The following CNTN5 variants were observed in gnomAD, a reference collection of about 807,000 sequenced individuals.
CNTN5 encodes the protein contactin-5.
Under a neutral mutation model 129.1 loss-of-function variants are expected in CNTN5, and 77 were observed. The observed-to-expected ratio is 0.60, with a 90% CI of 0.50 to 0.72. CNTN5 has a LOEUF of 0.72. CNTN5 is among the 30% of genes least tolerant of loss of function. The pLI is 0.00. For synonymous variants in CNTN5, 509 were observed against 465.6 expected (o/e 1.09, Z -1.20); for missense variants, 1,478 against 1,328.8 (o/e 1.11, Z -1.75).
chr11:99,889,390 GATA>G (rs1205769145), intron 6 of CNTN5, among the ~76,000 whole-genome samples: 1 of 145,184 alleles, frequency 6.9e-6, no homozygotes, highest in Admixed American at 6.9e-5. Context: ...TATGAAATTT[GATA>G]ATTATGAGAA....
intron 1 of CNTN5, among the ~76,000 whole-genome samples, chr11:99,316,929 T>A (rs1865367905): frequency 6.6e-6 from 1 of 152,118 alleles, no homozygotes. Context: ...GACAGTACCT[T>A]CCTGACATTT....
chr11:100,146,156 A>T (rs1438656564), intron 13 of CNTN5, among the ~76,000 whole-genome samples: 1 of 152,158 alleles, frequency 6.6e-6, no homozygotes, highest in Non-Finnish European at 1.5e-5. Context: ...TGAGGGAAAT[A>T]ACAATCAGTA....
At chr11:99,280,735 C>T (rs949483900) in intron 1 of CNTN5, among the ~76,000 whole-genome samples, 2 of 151,646 alleles carry the variant, frequency 1.3e-5, no homozygotes, top group Admixed American at 1.3e-4. Context: ...ATATATGAAC[C>T]AGTAATAAGC....
intron 13 of CNTN5, among the ~76,000 whole-genome samples, chr11:100,098,681 T>C (rs1054218296): frequency 1.3e-5 from 2 of 152,090 alleles, no homozygotes; most frequent in Admixed American, 6.6e-5. Flanking sequence ...TCTAATGTTA[T>C]TGCCCAGTAG....
intron 21 of CNTN5, among the ~76,000 whole-genome samples, chr11:100,331,452 A>T (rs1951904970): frequency 6.6e-6 from 1 of 152,142 alleles, no homozygotes; most frequent in South Asian, 2.1e-4. Context: ...CAAAGAAACA[A>T]TGGACTTAAA....
chr11:99,452,510 C>G (rs1407626591), intron 2 of CNTN5, among the ~76,000 whole-genome samples: 2 of 151,202 alleles, frequency 1.3e-5, no homozygotes. Context: ...GTAGCTGGGA[C>G]TACAGGTGCC....
chr11:99,890,294 G>A (rs1318782327), intron 6 of CNTN5, among the ~76,000 whole-genome samples: 1 of 151,872 alleles, frequency 6.6e-6, no homozygotes, highest in East Asian at 1.9e-4. Context: ...AAGTAATATT[G>A]AATTATAACA....
chr11:99,048,512 G>A (rs900375284), intron 1 of CNTN5, among the ~76,000 whole-genome samples: 1 of 152,028 alleles, frequency 6.6e-6, no homozygotes, highest in African/African-American at 2.4e-5. Flanking sequence ...TCATTTAAAT[G>A]TTTTCACATT....
At chr11:99,834,014 G>A (rs1045399573) in intron 4 of CNTN5, among the ~76,000 whole-genome samples, 1 of 152,172 alleles carries the variant, frequency 6.6e-6, no homozygotes, top group African/African-American at 2.4e-5. Flanking sequence ...AGGCATTTTT[G>A]TGAGTGAAAA....
At chr11:99,439,468 G>A (rs1236820520) in intron 2 of CNTN5, among the ~76,000 whole-genome samples, 1 of 151,992 alleles carries the variant, frequency 6.6e-6, no homozygotes, top group Non-Finnish European at 1.5e-5. Context: ...AACACTTTGG[G>A]AGGCTGAGGT....
chr11:99,532,052 C>T (rs528478168), intron 2 of CNTN5, among the ~76,000 whole-genome samples: 51 of 152,108 alleles, frequency 3.4e-4, no homozygotes, highest in African/African-American at 1.1e-3. Context: ...CAGCTTGCCC[C>T]GTGTGCCTGG....
At chr11:99,886,621 CTG>C (rs1330610250) in intron 6 of CNTN5, among the ~76,000 whole-genome samples, 1 of 152,066 alleles carries the variant, frequency 6.6e-6, no homozygotes, top group East Asian at 1.9e-4. Context: ...ATATAAAAGA[CTG>C]TTCTTAGCAG....
intron 2 of CNTN5, among the ~76,000 whole-genome samples, chr11:99,431,596 TACTAA>T (rs1943373375): frequency 6.6e-6 from 1 of 152,146 alleles, no homozygotes; most frequent in Non-Finnish European, 1.5e-5. Flanking sequence ...CCCAGGCTAG[TACTAA>T]GAACCAATAG....
chr11:99,377,683 A>G (rs1940267737), intron 2 of CNTN5, among the ~76,000 whole-genome samples: 1 of 152,100 alleles, frequency 6.6e-6, no homozygotes, highest in Non-Finnish European at 1.5e-5. Context: ...GGCAGTAATA[A>G]CTGTAGTGCT....
chr11:99,278,738 T>G (rs1565457917), intron 1 of CNTN5, among the ~76,000 whole-genome samples: 1 of 151,748 alleles, frequency 6.6e-6, no homozygotes, highest in African/African-American at 2.4e-5. Flanking sequence ...ATATCTCAGA[T>G]GAAATTAAGA....
chr11:100,257,520 C>A (rs752871198), intron 17 of CNTN5, among the ~76,000 whole-genome samples: 4 of 152,066 alleles, frequency 2.6e-5, no homozygotes, highest in African/African-American at 4.8e-5. Context: ...GAGTTGTCAC[C>A]GACACCTCAT....
chr11:99,230,285 A>AT (rs1433169999), intron 1 of CNTN5, among the ~76,000 whole-genome samples: 2 of 152,140 alleles, frequency 1.3e-5, no homozygotes, highest in African/African-American at 4.8e-5. Context: ...TGACGAAAGC[A>AT]TTTTTTGGGA....
chr11:100,188,271 A>G (rs974074644), intron 13 of CNTN5, among the ~76,000 whole-genome samples: 1 of 151,998 alleles, frequency 6.6e-6, no homozygotes, highest in Non-Finnish European at 1.5e-5. Flanking sequence ...TGGTGAAACC[A>G]TATCTCTACA....
At chr11:99,326,928 C>T (rs189392224) in intron 2 of CNTN5, among the ~76,000 whole-genome samples, 271 of 152,172 alleles carry the variant, frequency 1.8e-3, no homozygotes, top group Non-Finnish European at 2.4e-3. Context: ...GAATAGGTTA[C>T]ATACACAAAA....
Sources: allele counts gnomAD v4.1 joint callset (sites outside exome capture counted in the v4.1 genomes callset), GRCh38; gene constraint gnomAD v4.1.1; transcripts MANE v1.5; gene names NCBI Gene and HGNC (gene_info 2026-07-23, HGNC 2026-07-21).